ZNF675: variants seen among roughly 807,000 people sequenced by gnomAD.
The protein encoded by ZNF675 is TRAF6 inhibitory zinc finger.
A neutral mutation model predicts 56.1 loss-of-function variants in ZNF675; 36 were observed. That is an observed-to-expected ratio of 0.64 (90% confidence interval 0.49 to 0.85). The LOEUF is 0.85. Ranked by LOEUF, ZNF675 falls within the 40% of genes least tolerant of loss-of-function variation. ZNF675 has a pLI of 0.00. For synonymous variants in ZNF675, 200 were observed against 218.9 expected, an observed-to-expected ratio of 0.91 and a Z score of 0.76; for missense variants, 663 against 654.2, an observed-to-expected ratio of 1.01 and a Z score of -0.15.
Position 23,658,874 on chromosome 19 carries a change from G to GATCTATAGATATAGATCTAGATCT in ZNF675, c.226+3239_226+3240insAGATCTAGATCTATATCTATAGAT, listed in dbSNP as rs1568289112. On this transcript the variant is annotated intron_variant, in intron 3 of 3. Coordinates refer to ENST00000359788, the MANE Select transcript of ZNF675 (RefSeq NM_138330.3). ...ATATAGATATAGAAATAGATCTATA[G>GATCTATAGATATAGATCTAGATCT]ATATCTATAGATATAGATCTATAGA... Among the ~76,000 whole-genome samples the GATCTATAGATATAGATCTAGATCT allele has an allele frequency of 1.3e-4, 15 of 117,820 alleles. 2 individuals are homozygous for GATCTATAGATATAGATCTAGATCT. Among genetic ancestry groups the GATCTATAGATATAGATCTAGATCT allele is most frequent in the South Asian group, 5.6e-4 (2 of 3,552 alleles). The allele number at this position is 117,820 out of a possible 152,430, so 77.3% of individuals were successfully genotyped here. A position where few individuals can be genotyped will look rare whatever the true frequency, so the allele number is the denominator to read the frequency against.
chr19:23,672,250 A>C (rs1171239453), intron 1 of ZNF675, among the ~76,000 whole-genome samples: 1 of 5,918 alleles, frequency 1.7e-4, no homozygotes, highest in Non-Finnish European at 0.012. Flanking sequence ...AAAAAAAAAA[A>C]AGGACAAGAA....
intron 1 of ZNF675, among the ~76,000 whole-genome samples, chr19:23,677,085 A>G (rs1274130109): frequency 3.5e-5 from 1 of 28,338 alleles, no homozygotes; most frequent in Non-Finnish European, 8.8e-5. Context: ...AGAAAAAAAA[A>G]AAAAAGAGAA....
rs978575455 is a variant in ZNF675 at position 23,685,466 on chromosome 19, G to A, written c.3+1565C>T. On this transcript the variant is annotated intron_variant, in intron 1 of 3. Coordinates refer to ENST00000359788, the MANE Select transcript of ZNF675 (RefSeq NM_138330.3). ...ATTCACAGAAACTACTGAAGCCCAG[G>A]ACCAGAAAAAACTGAAGGTGGCTGA... 8.7e-4 allele frequency among the ~76,000 whole-genome samples: 133 copies of A among 152,146 alleles called. 1 individual carries two copies. The highest frequency in any genetic ancestry group is 3.1e-3 in the African/African-American group (130 of 41,434).
intron 1 of ZNF675, 110 bp from the exon 2 acceptor site, chr19:23,663,268 G>A: frequency 7.7e-7 from 1 of 1,301,542 alleles, no homozygotes; most frequent in Non-Finnish European, 1.1e-6. Flanking sequence ...TTATAGGAGT[G>A]ACTGAAATTA....
intron 3 of ZNF675, among the ~76,000 whole-genome samples, chr19:23,660,640 A>C (rs1264112419): frequency 6.6e-6 from 1 of 152,152 alleles, no homozygotes; most frequent in Non-Finnish European, 1.5e-5. Context: ...AAATTTAACC[A>C]AGGAGGTACA....
chr19:23,671,212 C>CA (rs1968222955), intron 1 of ZNF675, among the ~76,000 whole-genome samples: 2 of 152,086 alleles, frequency 1.3e-5, no homozygotes, highest in Admixed American at 1.3e-4. Flanking sequence ...CCAATCTGCC[C>CA]CTGACATTAG....
At chr19:23,672,664 G>C (rs1339874789) in intron 1 of ZNF675, among the ~76,000 whole-genome samples, 2 of 152,166 alleles carry the variant, frequency 1.3e-5, no homozygotes, top group Non-Finnish European at 2.9e-5. Context: ...ACAATCAAAG[G>C]AGAGGTCCAC....
At chr19:23,655,664 A>G (rs562231008) in intron 3 of ZNF675, 1 of 152,306 alleles carries the variant, frequency 6.6e-6, no homozygotes, top group Non-Finnish European at 1.5e-5. Flanking sequence ...TTACATTGCA[A>G]TATGAGGTTT....
At position 23,662,598 on chromosome 19, in the gene ZNF675, CAG is replaced by C. The variant is rs551344793; in HGVS notation, c.131-391_131-390del. Reference sequence around the variant, plus strand: ...CAAATCCTTAAGATTTTCTCAAAAACAGGGATCTGAAACTCATTTATGCAAAG... The same window carrying C: ...CAAATCCTTAAGATTTTCTCAAAAACGGATCTGAAACTCATTTATGCAAAG... On this transcript the variant is annotated intron_variant, in intron 2 of 3. Transcript: ENST00000359788. Among the ~76,000 whole-genome samples, 17 of 152,268 alleles carry C rather than the reference CAG, an allele frequency of 1.1e-4. 1 individual carries two copies. The South Asian group carries it at 3.1e-3, about 28-fold the overall frequency.
rs1424209163 is a variant in ZNF675, at chr19:23,654,422, G to T, written c.511C>A (p.Pro171Thr). ...CTGCCACATTCTTTACATTTGAAAG[G>T]TTTATTTTCCATATGTTTTATCTTA... ...RHKIKHMENK[P>T]FKCKECGRSF... The change falls in exon 4 of 4, where the codon CCT becomes ACT. Residue 171 changes from proline to threonine, a missense_variant. By Grantham distance (38) the Pro-to-Thr change is conservative (BLOSUM62 -1). Coordinates refer to ENST00000359788, the MANE Select transcript of ZNF675 (RefSeq NM_138330.3). 2 of 1,610,108 alleles carry T rather than the reference G, an allele frequency of 1.2e-6. No homozygotes were observed. The highest frequency in any genetic ancestry group is 1.7e-6 in the Non-Finnish European group (2 of 1,177,780).
chr19:23,664,080 T>C (rs1018390380), intron 1 of ZNF675, among the ~76,000 whole-genome samples: 28 of 152,142 alleles, frequency 1.8e-4, no homozygotes, highest in African/African-American at 6.0e-4. Context: ...TTATAAGTAG[T>C]TAAAACAAAT....
intron 3 of ZNF675, among the ~76,000 whole-genome samples, chr19:23,659,811 T>C (rs556327809): frequency 1.3e-5 from 2 of 152,174 alleles, no homozygotes; most frequent in East Asian, 1.9e-4. Flanking sequence ...CAGAGGAAGG[T>C]ACCCATTTAC....
intron 1 of ZNF675, among the ~76,000 whole-genome samples, chr19:23,672,066 C>T (rs1213711862): frequency 6.6e-6 from 1 of 151,854 alleles, no homozygotes; most frequent in African/African-American, 2.4e-5. Context: ...GAGCTGGTGG[C>T]CCAATGATAA....
rs2364625 is a variant in ZNF675 at position 23,687,139 on chromosome 19, A to G, written c.-106T>C. On this transcript the variant is annotated 5_prime_UTR_variant, in exon 1 of 4. Transcript: ENST00000359788. Reference sequence around the variant, plus strand: ...CTCTAGGAGCAGAGGACACAGAGCAATGAAAGCGAGACCTGGAGCTCCGGC... The same window carrying G: ...CTCTAGGAGCAGAGGACACAGAGCAGTGAAAGCGAGACCTGGAGCTCCGGC... 1,420,000 of 1,427,980 alleles carry G rather than the reference A, an allele frequency of 0.99. 706,402 individuals carry two copies. The highest frequency in any genetic ancestry group is 1 in the East Asian group (43,182 of 43,182). The allele number at this position is 1,427,980 out of a possible 1,614,324, so 88.5% of individuals were successfully genotyped here.
chr19:23,674,475 T>C (rs1968270005), intron 1 of ZNF675, among the ~76,000 whole-genome samples: 1 of 150,558 alleles, frequency 6.6e-6, no homozygotes, highest in African/African-American at 2.5e-5. Context: ...AAACCACATC[T>C]CTACTAAAAG....
intron 1 of ZNF675, among the ~76,000 whole-genome samples, chr19:23,668,790 C>T (rs892631277): frequency 3.3e-5 from 5 of 152,192 alleles, no homozygotes; most frequent in Admixed American, 6.5e-5. Flanking sequence ...CCTCATTGCC[C>T]GGGGCGGGCA....
In ZNF675 at chr19:23,662,111, T is replaced by C. The variant is rs1053935347; in HGVS notation, c.226+3A>G. On this transcript the variant is annotated splice_donor_region_variant and intron_variant, in intron 3 of 3. Transcript: ENST00000359788. ...TGTTGTATTCACTTTCATTCTCACT[T>C]ACCTGGGGGTTCATTCACCATCTCA... The C allele has an allele frequency of 1.9e-5, 30 of 1,610,498 alleles. No individual in the cohort carries two copies. The highest frequency in any genetic ancestry group is 2.4e-5 in the Non-Finnish European group (28 of 1,176,974).
At chr19:23,673,448 GCC>G (rs1278196217) in intron 1 of ZNF675, among the ~76,000 whole-genome samples, 1 of 152,196 alleles carries the variant, frequency 6.6e-6, no homozygotes, top group Non-Finnish European at 1.5e-5. Flanking sequence ...ATCTGGCCTA[GCC>G]CCTCCAGAAG....
chr19:23,662,157 C>T lies in ZNF675; in HGVS notation c.183G>A (p.Glu61=). 5 of 1,613,618 alleles carry T rather than the reference C, an allele frequency of 3.1e-6. No homozygotes were observed. The highest frequency in any genetic ancestry group is 4.2e-6 in the Non-Finnish European group (5 of 1,179,844). ...TCTCATGTCTCTTCACAGTCAAAGG[C>T]TCTTTTTCTTGCTCCAGACAGGTGA... The part of the protein sequence containing the change: ...DLITCLEQEK[E]PLTVKRHEMV... The change falls in exon 3 of 4, where the codon GAG becomes GAA. Residue 61 remains glutamate (E), a synonymous_variant. Transcript: ENST00000359788.
Sources: allele counts gnomAD v4.1 joint callset (sites outside exome capture counted in the v4.1 genomes callset), GRCh38; gene constraint gnomAD v4.1.1; transcripts MANE v1.5; gene names NCBI Gene and HGNC (gene_info 2026-07-23, HGNC 2026-07-21).